The following MED12L variants were observed in gnomAD, a reference collection of about 807,000 sequenced individuals.
MED12L encodes mediator complex subunit 12L.
In MED12L, 60 loss-of-function variants were observed where a neutral mutation model predicts 281.3. The ratio of observed to expected loss-of-function variants is 0.21; its 90% CI spans 0.17 to 0.26. MED12L has a LOEUF of 0.26. Ranked by LOEUF, MED12L falls within the 10% of genes least tolerant of loss-of-function variation. MED12L has a pLI of 1.00. For synonymous variants in MED12L, 974 were observed against 987.2 expected (o/e 0.99, Z 0.25); for missense variants, 2,146 against 2,680.9 (o/e 0.80, Z 4.41).
chr3:151,228,606 T>C (rs1252562675), intron 16 of MED12L, among the ~76,000 whole-genome samples: 2 of 152,200 alleles, frequency 1.3e-5, no homozygotes, highest in African/African-American at 4.8e-5. Context: ...TGGGAGAGGT[T>C]TTGCTTCTGA....
intron 11 of MED12L, among the ~76,000 whole-genome samples, chr3:151,171,548 C>T (rs557790225): frequency 6.6e-6 from 1 of 152,258 alleles, no homozygotes; most frequent in African/African-American, 2.4e-5. Flanking sequence ...ATGTGTGTTT[C>T]CTCCTTCCCT....
chr3:151,245,205 T>C (rs1399559994), intron 16 of MED12L, among the ~76,000 whole-genome samples: 1 of 152,170 alleles, frequency 6.6e-6, no homozygotes, highest in Non-Finnish European at 1.5e-5. Context: ...GAGGAACTGG[T>C]ACCATTCCTT....
Position 151,406,579 on chromosome 3 carries a change from G to C in MED12L, c.5821-2664G>C, listed in dbSNP as rs2108326381. 1.3e-5 allele frequency among the ~76,000 whole-genome samples: 2 copies of C among 152,126 alleles called. 1 individual carries two copies. The highest frequency in any genetic ancestry group is 6.8e-3 in the Middle Eastern group (2 of 292). ...AAGTAGTATGTTGGGACAAACTGGTGGTCAGGAGGAAACATAATATGCTCA... is the reference window on the plus strand; with the variant it reads ...AAGTAGTATGTTGGGACAAACTGGTCGTCAGGAGGAAACATAATATGCTCA... On this transcript the variant is annotated intron_variant, in intron 39 of 44. Transcript: ENST00000687756.
At chr3:151,106,306 CTTCT>C (rs1722039918) in intron 2 of MED12L, among the ~76,000 whole-genome samples, 1 of 82,464 alleles carries the variant, frequency 1.2e-5, no homozygotes, top group Non-Finnish European at 2.3e-5. Flanking sequence ...TTTCCTTTTC[CTTCT>C]CCCCTCCCCT....
intron 5 of MED12L, among the ~76,000 whole-genome samples, chr3:151,139,752 T>C (rs1396833475): frequency 6.6e-6 from 1 of 152,300 alleles, no homozygotes; most frequent in African/African-American, 2.4e-5. Flanking sequence ...AAGCATGTTA[T>C]TTAGAGGTAG....
At chr3:151,179,563 A>G (rs1453558503) in intron 11 of MED12L, among the ~76,000 whole-genome samples, 4 of 152,186 alleles carry the variant, frequency 2.6e-5, no homozygotes, top group Admixed American at 1.3e-4. Context: ...GGGGTACTGT[A>G]ATTACCCCAA....
At chr3:151,288,044 T>C (rs1743769466) in intron 16 of MED12L, among the ~76,000 whole-genome samples, 1 of 152,248 alleles carries the variant, frequency 6.6e-6, no homozygotes, top group Non-Finnish European at 1.5e-5. Context: ...GATTCTATAT[T>C]GCTTGAAACC....
rs1159538681 is a variant in MED12L, at chr3:151,394,783, G to A, written c.5736G>A (p.Gln1912=). The A allele has an allele frequency of 6.2e-7, 1 of 1,614,054 alleles. No individual in the cohort carries two copies. ...CTTCTCTTCATGCAATCACATCGCAGCAGCAGTTGATACAGATGAAGCTTC... is the reference window on the plus strand; with the variant it reads ...CTTCTCTTCATGCAATCACATCGCAACAGCAGTTGATACAGATGAAGCTTC... ...QPPSLHAITS[Q]QQLIQMKLLQ... Residue 1912 remains glutamine (Q), a synonymous_variant, in exon 39 of 45, where the codon CAG becomes CAA. Coordinates refer to ENST00000687756, the MANE Select transcript of MED12L (RefSeq NM_001393769.1).
chr3:151,194,002 G>C (rs1259501560), intron 16 of MED12L, among the ~76,000 whole-genome samples: 1 of 103,882 alleles, frequency 9.6e-6, no homozygotes, highest in Non-Finnish European at 1.9e-5. Flanking sequence ...TTTCATTCCT[G>C]TTGCCCAGGC....
At chr3:151,139,518 C>T (rs547630769) in intron 5 of MED12L, among the ~76,000 whole-genome samples, 2 of 152,176 alleles carry the variant, frequency 1.3e-5, no homozygotes, top group East Asian at 3.9e-4. Flanking sequence ...CTTATTGATG[C>T]CTGGTAAGTG....
chr3:151,153,906 C>T (rs1718916310), intron 5 of MED12L, among the ~76,000 whole-genome samples: 1 of 152,030 alleles, frequency 6.6e-6, no homozygotes, highest in Non-Finnish European at 1.5e-5. Flanking sequence ...TGGGGCCTCA[C>T]TCCAGACCAA....
chr3:151,417,139 A>G (rs549471644), intron 43 of MED12L, among the ~76,000 whole-genome samples: 1 of 152,324 alleles, frequency 6.6e-6, no homozygotes, highest in African/African-American at 2.4e-5. Flanking sequence ...AAATACAAAA[A>G]TAATTTAGAA....
chr3:151,120,258 CAAA>C (rs1713553769), intron 3 of MED12L, among the ~76,000 whole-genome samples: 1 of 150,914 alleles, frequency 6.6e-6, no homozygotes, highest in Non-Finnish European at 1.5e-5. Context: ...CAAAAACAAA[CAAA>C]AAACACCTTA....
chr3:151,432,452 G>A (rs1286079165), intron 44 of MED12L, among the ~76,000 whole-genome samples: 1 of 152,166 alleles, frequency 6.6e-6, no homozygotes, highest in Non-Finnish European at 1.5e-5. Context: ...AACTTTTACT[G>A]TATTCCTTTT....
At chr3:151,278,047 G>A (rs149896167) in intron 16 of MED12L, among the ~76,000 whole-genome samples, 1 of 152,246 alleles carries the variant, frequency 6.6e-6, no homozygotes, top group African/African-American at 2.4e-5. Flanking sequence ...TGACAGCCAC[G>A]ATTGGAAATC....
intron 2 of MED12L, among the ~76,000 whole-genome samples, chr3:151,087,628 C>T (rs1183965649): frequency 6.6e-6 from 1 of 152,154 alleles, no homozygotes; most frequent in Admixed American, 6.5e-5. Flanking sequence ...GGCTTAATTG[C>T]TAGAGGCTGT....
chr3:151,414,604 A>T (rs1390321212), intron 42 of MED12L, among the ~76,000 whole-genome samples: 1 of 152,212 alleles, frequency 6.6e-6, no homozygotes, highest in Non-Finnish European at 1.5e-5. Context: ...CCCAGGTGAC[A>T]GGCAAAAGCC....
intron 26 of MED12L, among the ~76,000 whole-genome samples, chr3:151,369,926 T>G (rs1393958180): frequency 6.6e-6 from 1 of 152,150 alleles, no homozygotes; most frequent in Non-Finnish European, 1.5e-5. Flanking sequence ...TTATCCAGAT[T>G]ATATTTCAGG....
chr3:151,320,456 A>G (rs1748867995), intron 16 of MED12L, among the ~76,000 whole-genome samples: 1 of 152,194 alleles, frequency 6.6e-6, no homozygotes, highest in African/African-American at 2.4e-5. Flanking sequence ...AAGTCTTTCT[A>G]ATTGTGGCTC....
Sources: allele counts gnomAD v4.1 joint callset (sites outside exome capture counted in the v4.1 genomes callset), GRCh38; gene constraint gnomAD v4.1.1; transcripts MANE v1.5; gene names NCBI Gene and HGNC (gene_info 2026-07-23, HGNC 2026-07-21).